Variants in ASIC2 observed in about 807,000 individuals in gnomAD.
The protein encoded by ASIC2 is acid sensing ion channel subunit 2.
Under a neutral mutation model 57.3 loss-of-function variants are expected in ASIC2, and 25 were observed. The ratio of observed to expected loss-of-function variants is 0.44; its 90% CI spans 0.32 to 0.61. The LOEUF (loss-of-function observed/expected upper bound fraction) is 0.61. Among genes scored for constraint, ASIC2 ranks in the 20% least tolerant of loss-of-function variants. The pLI is 0.06. For missense variants in ASIC2, 641 were observed against 738.1 expected, an observed-to-expected ratio of 0.87 and a Z score of 1.52; for synonymous variants, 319 against 307.5, an observed-to-expected ratio of 1.04 and a Z score of -0.39.
At chr17:33,598,818 AG>A (rs1905050311) in intron 1 of ASIC2, among the ~76,000 whole-genome samples, 1 of 152,260 alleles carries the variant, frequency 6.6e-6, no homozygotes, top group African/African-American at 2.4e-5. Context: ...GGGACAAGAA[AG>A]AATGAGATTT....
chr17:33,195,452 T>C (rs1368154577), intron 1 of ASIC2, among the ~76,000 whole-genome samples: 1 of 152,224 alleles, frequency 6.6e-6, no homozygotes, highest in East Asian at 1.9e-4. Flanking sequence ...CAAAATTCGA[T>C]TTTGTTATAA....
At chr17:33,087,575 G>GTT (rs5820015) in intron 3 of ASIC2, among the ~76,000 whole-genome samples, 3,872 of 110,904 alleles carry the variant, frequency 0.035, 245 homozygotes, top group African/African-American at 0.056. Context: ...TACAACCAGT[G>GTT]TTTTTTTTTT....
chr17:33,353,949 A>G (rs1908279601), intron 1 of ASIC2, among the ~76,000 whole-genome samples: 1 of 152,202 alleles, frequency 6.6e-6, no homozygotes, highest in Non-Finnish European at 1.5e-5. Flanking sequence ...TATAAAGGAA[A>G]TAGGTTTAAT....
intron 1 of ASIC2, among the ~76,000 whole-genome samples, chr17:33,220,074 T>TA (rs1393060126): frequency 6.6e-6 from 1 of 152,168 alleles, no homozygotes; most frequent in East Asian, 1.9e-4. Flanking sequence ...TGCTAACGTC[T>TA]AACAGTCCTG....
chr17:33,246,415 T>A (rs1908691310), intron 1 of ASIC2, among the ~76,000 whole-genome samples: 1 of 152,172 alleles, frequency 6.6e-6, no homozygotes, highest in African/African-American at 2.4e-5. Context: ...GTGCTCTCCA[T>A]AAATGCTGAC....
At chr17:33,921,043 C>T (rs1318246115) in intron 1 of ASIC2, among the ~76,000 whole-genome samples, 3 of 152,082 alleles carry the variant, frequency 2.0e-5, no homozygotes, top group African/African-American at 7.2e-5. Context: ...TAATGTGAGC[C>T]CTTAATAAAT....
At chr17:33,481,312 T>G (rs1024472535) in intron 1 of ASIC2, among the ~76,000 whole-genome samples, 3 of 152,354 alleles carry the variant, frequency 2.0e-5, no homozygotes, top group East Asian at 1.9e-4. Flanking sequence ...ACAACTCTCT[T>G]CTAAACTTCT....
intron 1 of ASIC2, among the ~76,000 whole-genome samples, chr17:33,837,076 G>A (rs903347672): frequency 2.0e-5 from 3 of 152,192 alleles, no homozygotes; most frequent in Admixed American, 6.5e-5. Flanking sequence ...TACGTGGGCT[G>A]AAAGATCAAT....
intron 1 of ASIC2, among the ~76,000 whole-genome samples, chr17:33,652,939 T>A (rs1478117991): frequency 1.3e-5 from 2 of 152,166 alleles, no homozygotes; most frequent in African/African-American, 4.8e-5. Context: ...CTGAAAGGCA[T>A]AGGGGTTGGT....
chr17:33,863,513 A>G (rs996762821), intron 1 of ASIC2, among the ~76,000 whole-genome samples: 30 of 152,224 alleles, frequency 2.0e-4, no homozygotes, highest in African/African-American at 7.2e-4. Context: ...CATTAAGCAG[A>G]ACTTGTCTCC....
chr17:33,575,833 AG>A (rs1331320581), intron 1 of ASIC2, among the ~76,000 whole-genome samples: 2 of 152,110 alleles, frequency 1.3e-5, no homozygotes, highest in Non-Finnish European at 2.9e-5. Context: ...GAGTACAGAG[AG>A]GCAAGGGGCT....
intron 1 of ASIC2, among the ~76,000 whole-genome samples, chr17:33,557,790 C>G (rs1223757651): frequency 2.0e-5 from 3 of 152,148 alleles, no homozygotes; most frequent in Non-Finnish European, 4.4e-5. Context: ...CTATATTATA[C>G]TAAATATCCC....
intron 1 of ASIC2, among the ~76,000 whole-genome samples, chr17:33,740,390 C>T (rs1296623159): frequency 5.9e-5 from 9 of 152,156 alleles, no homozygotes; most frequent in Admixed American, 5.9e-4. Flanking sequence ...GGGAAGCAAA[C>T]ATGTTCTTCT....
intron 1 of ASIC2, among the ~76,000 whole-genome samples, chr17:34,076,116 C>A (rs1345618216): frequency 6.6e-6 from 1 of 152,060 alleles, no homozygotes; most frequent in Non-Finnish European, 1.5e-5. Context: ...CATTCTCCTG[C>A]CTCAGCCTTG....
At chr17:33,529,038 T>C (rs1378720375) in intron 1 of ASIC2, among the ~76,000 whole-genome samples, 1 of 152,092 alleles carries the variant, frequency 6.6e-6, no homozygotes, top group Non-Finnish European at 1.5e-5. Flanking sequence ...TCCAGGACAG[T>C]TCAGGAGGAA....
intron 1 of ASIC2, among the ~76,000 whole-genome samples, chr17:33,700,298 A>T (rs750566338): frequency 2.6e-5 from 4 of 152,118 alleles, no homozygotes; most frequent in Non-Finnish European, 4.4e-5. Flanking sequence ...TTTTCTGTTG[A>T]TAGTTTGTAA....
intron 1 of ASIC2, among the ~76,000 whole-genome samples, chr17:33,263,079 C>G (rs965664708): frequency 1.6e-4 from 25 of 152,210 alleles, no homozygotes; most frequent in African/African-American, 6.0e-4. Context: ...GGACTGTGAG[C>G]TCCCTGAGGG....
chr17:34,141,562 G>A (rs377591843), intron 1 of ASIC2, among the ~76,000 whole-genome samples: 1 of 152,132 alleles, frequency 6.6e-6, no homozygotes, highest in Admixed American at 6.5e-5. Context: ...TCTAGACTGG[G>A]TATTATTCTT....
In ASIC2 at chr17:33,785,703, A is replaced by G. The variant is rs1374440308; in HGVS notation, c.555+370275T>C. On this transcript the variant is annotated intron_variant, in intron 1 of 9. Coordinates refer to the ASIC2 transcript ENST00000359872. ...GAGTCATCAATATTCTCACTTATGA[A>G]ATGAAATGGTCAAATGGTCCAATGG... is the stretch of plus-strand genomic sequence containing the variant. Among the ~76,000 whole-genome samples the G allele has an allele frequency of 3.3e-5, 5 of 152,182 alleles. 1 individual carries two copies. Among genetic ancestry groups the G allele is most frequent in the Non-Finnish European group, 7.3e-5 (5 of 68,034 alleles).
Sources: allele counts gnomAD v4.1 joint callset (sites outside exome capture counted in the v4.1 genomes callset), GRCh38; gene constraint gnomAD v4.1.1; transcripts MANE v1.5; gene names NCBI Gene and HGNC (gene_info 2026-07-23, HGNC 2026-07-21).